Variants in CCDC149 observed in about 807,000 individuals in gnomAD.
The protein encoded by CCDC149 is coiled-coil domain-containing protein 149.
In CCDC149, 45 loss-of-function variants were observed where a neutral mutation model predicts 59.9. That is an observed-to-expected ratio of 0.75 (90% CI 0.59 to 0.96). The LOEUF is 0.96. Ranked by LOEUF, CCDC149 falls within the 40% of genes least tolerant of loss-of-function variation. The pLI is 0.00. For synonymous variants in CCDC149, 245 were observed against 260.6 expected, an observed-to-expected ratio of 0.94 and a Z score of 0.58; for missense variants, 584 against 664.7, an observed-to-expected ratio of 0.88 and a Z score of 1.33.
intron 1 of CCDC149, among the ~76,000 whole-genome samples, chr4:24,979,365 A>T (rs922937865): frequency 1.3e-5 from 2 of 152,158 alleles, no homozygotes; most frequent in Non-Finnish European, 2.9e-5. Context: ...GATCTTCAGG[A>T]TAGGCTGCAG....
At chr4:24,898,343 G>T (rs1243040536) in intron 1 of CCDC149, among the ~76,000 whole-genome samples, 1 of 152,170 alleles carries the variant, frequency 6.6e-6, no homozygotes, top group African/African-American at 2.4e-5. Flanking sequence ...AGGTATTGGA[G>T]AAGTCAGGAG....
chr4:24,939,354 TAACA>T lies in CCDC149; in HGVS notation c.-65+40711_-65+40714del, dbSNP rs1206851708. On this transcript the variant is annotated intron_variant, in intron 1 of 12. Transcript: ENST00000389609. ...GGGTCCTGACTGTTAGAAGGAAAAC[TAACA>T]AACAGAAAGGACATCCACACCAAAA... 9.5e-4 allele frequency among the ~76,000 whole-genome samples: 144 copies of T among 152,148 alleles called. 1 individual carries two copies. Among genetic ancestry groups the T allele is most frequent in the Admixed American group, 9.4e-3 (144 of 15,292 alleles).
chr4:24,881,313 T>C (rs77597015), intron 1 of CCDC149, among the ~76,000 whole-genome samples: 2,903 of 152,270 alleles, frequency 0.019, 102 homozygotes, highest in African/African-American at 0.066. Context: ...AGCAGAAACA[T>C]GGACCCTGCT....
intron 9 of CCDC149, chr4:24,830,994 C>A (rs183574262): frequency 6.5e-6 from 1 of 154,064 alleles, no homozygotes; most frequent in East Asian, 1.9e-4. Context: ...GCTATAAAAA[C>A]CAGATAAGAC....
At chr4:24,876,405 T>A (rs933753693) in intron 2 of CCDC149, 131 bp downstream of exon 2, 8 of 967,280 alleles carry the variant, frequency 8.3e-6, no homozygotes, top group Non-Finnish European at 1.2e-5. Context: ...AGGTGGTGAC[T>A]TTTACTTCTA....
At chr4:24,916,954 C>T (rs1722139083), upstream of CCDC149, among the ~76,000 whole-genome samples, 1 of 152,156 alleles carries the variant, frequency 6.6e-6, no homozygotes, top group South Asian at 2.1e-4. Context: ...CAGGAGACTG[C>T]AGGTCCTGGT....
rs556996779 is a variant in CCDC149 at position 24,939,819 on chromosome 4, A to G, written c.-65+40250T>C. On this transcript the variant is annotated intron_variant, in intron 1 of 12. Transcript: ENST00000389609. ...AGCGATGGAAGATGAAATGAATGAA[A>G]CGATGCGTGAAGAGAAGTTTAGAGA... Among the ~76,000 whole-genome samples, 5 of 152,312 alleles carry G rather than the reference A, an allele frequency of 3.3e-5. No individual in the cohort carries two copies. In the East Asian group the frequency reaches 9.7e-4, roughly 29 times the overall value.
intron 12 of CCDC149, among the ~76,000 whole-genome samples, chr4:24,810,126 TTAAA>T (rs1714501772): frequency 6.6e-6 from 1 of 152,166 alleles, no homozygotes; most frequent in Admixed American, 6.5e-5. Flanking sequence ...CTCCCCTCTG[TTAAA>T]TAAATCCTCC....
At position 24,837,454 on chromosome 4, in the gene CCDC149, T is replaced by C. The variant is rs1462019884; in HGVS notation, c.490-54A>G. 3.2e-6 allele frequency: 5 copies of C among 1,560,092 alleles called. No individual in the cohort carries two copies. Among genetic ancestry groups the C allele is most frequent in the Admixed American group, 1.7e-5 (1 of 58,146 alleles). Reference sequence around the variant, plus strand: ...AGATGTTCCTCAGGCTCCAGCTTTATGGCCAGAGATGGAGCCTCCCACTTG... The same window carrying C: ...AGATGTTCCTCAGGCTCCAGCTTTACGGCCAGAGATGGAGCCTCCCACTTG... On this transcript the variant is annotated intron_variant, in intron 5 of 12. Transcript: ENST00000635206. The surrounding 1 kb of genome is among the most constrained non-coding windows in gnomAD (Gnocchi z 4.3).
At chr4:24,962,325 G>A (rs1335556080) in intron 1 of CCDC149, among the ~76,000 whole-genome samples, 2 of 152,058 alleles carry the variant, frequency 1.3e-5, no homozygotes, top group Non-Finnish European at 1.5e-5. Flanking sequence ...GTGCTGGAGA[G>A]GATGTGGAGA....
At chr4:24,919,132 G>T (rs927965413) in intron 1 of CCDC149, among the ~76,000 whole-genome samples, 1 of 152,156 alleles carries the variant, frequency 6.6e-6, no homozygotes, top group African/African-American at 2.4e-5. Flanking sequence ...CCACGATACA[G>T]GAAAAACAAT....
chr4:24,895,135 G>A (rs571968280), intron 1 of CCDC149: 79 of 880,718 alleles, frequency 9.0e-5, no homozygotes, highest in Non-Finnish European at 1.3e-4. Context: ...ATAAGAACAC[G>A]TTATAAAAAC....
chr4:24,944,040 C>T (rs1723031869), intron 1 of CCDC149, among the ~76,000 whole-genome samples: 1 of 152,156 alleles, frequency 6.6e-6, no homozygotes, highest in African/African-American at 2.4e-5. Context: ...CCCAGCCATC[C>T]CATTACTGGG....
chr4:24,892,975 G>A (rs113814606), intron 1 of CCDC149, among the ~76,000 whole-genome samples: 8 of 152,172 alleles, frequency 5.3e-5, no homozygotes, highest in Admixed American at 4.6e-4. Flanking sequence ...TCCAGACAGA[G>A]AGAAAAGGGG....
At position 24,838,710 on chromosome 4, in the gene CCDC149, A is replaced by C. The variant is rs963907915; in HGVS notation, c.373-438T>G. 2.0e-5 allele frequency among the ~76,000 whole-genome samples: 3 copies of C among 152,172 alleles called. No individual in the cohort carries two copies. In the East Asian group the frequency reaches 5.8e-4, roughly 29 times the overall value. On this transcript the variant is annotated intron_variant, in intron 4 of 12. Transcript: ENST00000635206. ...ACTCTACTTTTGAAAATCTGGGCTA[A>C]GAATAATCCCAGACTGCTAACTTTA...
intron 3 of CCDC149, among the ~76,000 whole-genome samples, chr4:24,869,667 T>C (rs800380): frequency 0.79 from 120,492 of 151,998 alleles, 47,728 homozygotes; most frequent in East Asian, 0.9. Context: ...GCACTGCACA[T>C]TGATGGATGC....
chr4:24,958,533 A>G (rs1373027736), intron 1 of CCDC149, among the ~76,000 whole-genome samples: 1 of 152,220 alleles, frequency 6.6e-6, no homozygotes, highest in Non-Finnish European at 1.5e-5. Flanking sequence ...CAGATCTGAC[A>G]GTTGACAAGG....
intron 1 of CCDC149, among the ~76,000 whole-genome samples, chr4:24,891,256 C>T (rs993738778): frequency 3.3e-5 from 5 of 152,196 alleles, no homozygotes; most frequent in African/African-American, 4.8e-5. Flanking sequence ...GTATAATCCT[C>T]GTGATTCAAA....
chr4:24,927,247 G>A (rs756793847), intron 1 of CCDC149, among the ~76,000 whole-genome samples: 1 of 152,222 alleles, frequency 6.6e-6, no homozygotes, highest in Non-Finnish European at 1.5e-5. Context: ...ACTCAGTTGT[G>A]TTTATGGCCA....
Sources: allele counts gnomAD v4.1 joint callset (sites outside exome capture counted in the v4.1 genomes callset), GRCh38; gene constraint gnomAD v4.1.1; non-coding constraint Gnocchi (gnomAD v3.1); transcripts MANE v1.5; gene names NCBI Gene and HGNC (gene_info 2026-07-23, HGNC 2026-07-21).